Variants in NBEA observed in about 807,000 individuals in gnomAD.
NBEA encodes lysosomal-trafficking regulator 2.
Under a neutral mutation model 343.4 loss-of-function variants are expected in NBEA, and 44 were observed. That is an observed-to-expected ratio of 0.13 (90% confidence interval 0.10 to 0.16). NBEA has a LOEUF of 0.16. Among genes scored for constraint, NBEA ranks in the 10% least tolerant of loss-of-function variants. NBEA has a pLI of 1.00. For missense variants in NBEA, 2,555 were observed against 3,631.3 expected, an observed-to-expected ratio of 0.70 and a Z score of 7.62; for synonymous variants, 1,175 against 1,238.7, an observed-to-expected ratio of 0.95 and a Z score of 1.08.
intron 41 of NBEA, among the ~76,000 whole-genome samples, chr13:35,531,778 G>A (rs1229632202): frequency 6.6e-6 from 1 of 152,154 alleles, no homozygotes; most frequent in Non-Finnish European, 1.5e-5. Context: ...CTATTCCAGG[G>A]AGAAATTAAA....
At chr13:35,056,182 T>A (rs200740982) in intron 7 of NBEA, 53 bp downstream of exon 7, 13 of 1,417,844 alleles carry the variant, frequency 9.2e-6, no homozygotes, top group South Asian at 3.4e-5. Context: ...GTATGATCTA[T>A]CATTACAATA....
intron 41 of NBEA, among the ~76,000 whole-genome samples, chr13:35,522,039 G>T (rs1420159319): frequency 6.6e-6 from 1 of 152,136 alleles, no homozygotes; most frequent in Non-Finnish European, 1.5e-5. Flanking sequence ...AACAGTGAGT[G>T]CAAAAGTACA....
intron 41 of NBEA, among the ~76,000 whole-genome samples, chr13:35,481,635 A>G (rs1206738719): frequency 6.6e-6 from 1 of 151,882 alleles, no homozygotes; most frequent in Non-Finnish European, 1.5e-5. Context: ...CCCTTCAGAA[A>G]GTTACTATTA....
chr13:35,070,592 T>C, intron 9 of NBEA, 127 bp from the exon 10 acceptor site: 1 of 870,600 alleles, frequency 1.1e-6, no homozygotes, highest in Non-Finnish European at 1.6e-6. Flanking sequence ...TGTATAAAAA[T>C]TATAATTGAA....
chr13:35,157,029 C>A, intron 20 of NBEA, 49 bp from the exon 21 acceptor site: 2 of 1,390,450 alleles, frequency 1.4e-6, no homozygotes, highest in South Asian at 1.7e-5. Flanking sequence ...ATAGTAAATT[C>A]TAACTTAATT....
chr13:34,980,227 A>G (rs916706857), intron 1 of NBEA, among the ~76,000 whole-genome samples: 1 of 151,728 alleles, frequency 6.6e-6, no homozygotes, highest in South Asian at 2.1e-4. Context: ...TAAATATTTT[A>G]TAATCAATTG....
chr13:35,064,034 T>C (rs1052682268), intron 8 of NBEA, among the ~76,000 whole-genome samples: 4 of 151,940 alleles, frequency 2.6e-5, no homozygotes, highest in African/African-American at 9.7e-5. Context: ...AAATATTTGG[T>C]TATGGACATA....
Position 35,050,350 on chromosome 13 carries a change from A to G in NBEA, c.927A>G (p.Gly309=). ...CLIVTSLKSK[G]KGFQHCVKYD... ...TAGTCACATCATTGAAGTCCAAAGG[A>G]AAAGGTTTTCAGCATTGTGTGAAAT... Residue 309 remains glycine (G), a synonymous_variant, in exon 6 of 59, where the codon GGA becomes GGG. Transcript: ENST00000379939. 2 of 1,608,910 alleles carry G rather than the reference A, an allele frequency of 1.2e-6. No homozygotes were observed. Among genetic ancestry groups the G allele is most frequent in the Non-Finnish European group, 1.7e-6 (2 of 1,177,918 alleles).
At chr13:35,495,243 G>T (rs978309586) in intron 41 of NBEA, among the ~76,000 whole-genome samples, 4 of 151,798 alleles carry the variant, frequency 2.6e-5, no homozygotes, top group African/African-American at 9.7e-5. Context: ...AGATAAAATA[G>T]ACTTTTACAC....
At chr13:35,142,751 T>A (rs1175422722) in intron 18 of NBEA, among the ~76,000 whole-genome samples, 6 of 152,256 alleles carry the variant, frequency 3.9e-5, no homozygotes, top group Admixed American at 3.9e-4. Context: ...CTATTAGCTA[T>A]CCACTGCCAG....
intron 17 of NBEA, 53 bp downstream of exon 17, chr13:35,123,627 T>C: frequency 8.8e-7 from 1 of 1,137,908 alleles, no homozygotes; most frequent in South Asian, 2.5e-5. Context: ...GAGATTATGT[T>C]TTTATGAGTT....
Position 35,164,423 on chromosome 13 carries a change from A to G in NBEA, c.4147A>G (p.Ile1383Val). 1.2e-6 allele frequency: 2 copies of G among 1,604,766 alleles called. No homozygotes were observed. Among genetic ancestry groups the G allele is most frequent in the Non-Finnish European group, 1.7e-6 (2 of 1,174,542 alleles). The change falls in exon 24 of 59, where the codon ATT becomes GTT. Residue 1383 changes from isoleucine to valine, a missense_variant. Physicochemically the swap from Ile to Val is conservative, Grantham distance 29. Transcript: ENST00000379939. Reference sequence around the variant, plus strand: ...AAATATTATTTTTGTACATAACACAATTCACCTCATTTCCCAAATGGTAGA... The same window carrying G: ...AAATATTATTTTTGTACATAACACAGTTCACCTCATTTCCCAAATGGTAGA... ...NENIIFVHNT[I>V]HLISQMVDNI...
At chr13:35,153,088 A>G (rs2152705666) in intron 18 of NBEA, among the ~76,000 whole-genome samples, 1 of 137,982 alleles carries the variant, frequency 7.2e-6, no homozygotes, top group South Asian at 2.3e-4. Context: ...CCCAGGCTGC[A>G]GTGGCGTGAT....
intron 27 of NBEA, among the ~76,000 whole-genome samples, chr13:35,176,075 T>G (rs1202025051): frequency 6.6e-6 from 1 of 152,142 alleles, no homozygotes; most frequent in Non-Finnish European, 1.5e-5. Flanking sequence ...TAGCTGAAGT[T>G]CAGAGAGGTT....
intron 1 of NBEA, among the ~76,000 whole-genome samples, chr13:35,023,719 A>G (rs984291728): frequency 9.9e-5 from 15 of 152,206 alleles, no homozygotes; most frequent in Non-Finnish European, 1.5e-5. Context: ...ACAAAGTAGA[A>G]CATGGCAGAA....
At chr13:35,289,766 A>G (rs1043847939) in intron 34 of NBEA, among the ~76,000 whole-genome samples, 1 of 151,910 alleles carries the variant, frequency 6.6e-6, no homozygotes, top group African/African-American at 2.4e-5. Context: ...CCATTATTAC[A>G]TAGACATTAT....
intron 34 of NBEA, among the ~76,000 whole-genome samples, chr13:35,240,197 C>T (rs1038084010): frequency 6.6e-6 from 1 of 151,720 alleles, no homozygotes; most frequent in African/African-American, 2.4e-5. Flanking sequence ...ACTTTGAAAA[C>T]TGATAAGAAA....
At chr13:35,230,159 T>A (rs1229523675) in intron 33 of NBEA, among the ~76,000 whole-genome samples, 1 of 152,108 alleles carries the variant, frequency 6.6e-6, no homozygotes, top group Non-Finnish European at 1.5e-5. Context: ...CTGAGAAATA[T>A]CTGTTTTTAT....
At chr13:35,625,053 A>C (rs939138809) in intron 48 of NBEA, among the ~76,000 whole-genome samples, 9 of 152,178 alleles carry the variant, frequency 5.9e-5, no homozygotes, top group Admixed American at 2.6e-4. Flanking sequence ...CCCATATCTA[A>C]TATCATATAT....
Sources: allele counts gnomAD v4.1 joint callset (sites outside exome capture counted in the v4.1 genomes callset), GRCh38; gene constraint gnomAD v4.1.1; transcripts MANE v1.5; gene names NCBI Gene and HGNC (gene_info 2026-07-23, HGNC 2026-07-21).